PPARD: variants seen among roughly 807,000 people sequenced by gnomAD.
PPARD encodes the protein peroxisome proliferator-activated receptor delta.
In PPARD, 6 loss-of-function variants were observed where a neutral mutation model predicts 39.5. The observed-to-expected ratio is 0.15, with a 90% CI of 0.08 to 0.30. PPARD has a LOEUF of 0.30. PPARD is among the 10% of genes least tolerant of loss of function. PPARD has a pLI of 1.00. For synonymous variants in PPARD, 210 were observed against 231.3 expected (o/e 0.91, Z 0.83); for missense variants, 397 against 596.8 (o/e 0.67, Z 3.49).
intron 2 of PPARD, among the ~76,000 whole-genome samples, chr6:35,375,261 A>G (rs549338165): frequency 8.8e-6 from 1 of 113,104 alleles, no homozygotes; most frequent in East Asian, 2.8e-4. Flanking sequence ...TCTGTCACCC[A>G]GGCTGGAGTG....
chr6:35,349,487 A>T (rs1292862662), intron 2 of PPARD, among the ~76,000 whole-genome samples: 2 of 152,168 alleles, frequency 1.3e-5, no homozygotes, highest in Non-Finnish European at 2.9e-5. Context: ...TAAAAATGGC[A>T]AAAGAATCTC....
Position 35,371,615 on chromosome 6 carries a change from G to A in PPARD, c.-102+24465G>A, listed in dbSNP as rs139713301. Among the ~76,000 whole-genome samples, 612 of 152,202 alleles carry A rather than the reference G, an allele frequency of 4.0e-3. 2 individuals carry two copies. Among genetic ancestry groups the A allele is most frequent in the Middle Eastern group, 0.014 (4 of 294 alleles). ...CTCATTCCTCTGCCATGCACAGGTC[G>A]TTCCTCCCGTTCTTTTGAGTGTTTC... On this transcript the variant is annotated intron_variant, in intron 2 of 7. Transcript: ENST00000360694.
intron 2 of PPARD, among the ~76,000 whole-genome samples, chr6:35,371,764 A>G (rs1762494767): frequency 1.3e-5 from 2 of 152,230 alleles, no homozygotes; most frequent in Non-Finnish European, 2.9e-5. Context: ...CATTGCAGAG[A>G]TTCTTTCCTA....
In PPARD at chr6:35,420,200, C is replaced by T. The variant is rs1326918461; in HGVS notation, c.204C>T (p.Gly68=). ...TGGGCTGTGACGGGGCCTCATGCGGCAGCCTCAACATGGAGTGCCGGGTGT... is the reference window on the plus strand; with the variant it reads ...TGGGCTGTGACGGGGCCTCATGCGGTAGCCTCAACATGGAGTGCCGGGTGT... ...LQMGCDGASC[G]SLNMECRVCG... The change falls in exon 4 of 8, where the codon GGC becomes GGT. Residue 68 remains glycine (G), a synonymous_variant. Transcript: ENST00000360694. 3 of 1,612,726 alleles carry T rather than the reference C, an allele frequency of 1.9e-6. No homozygotes were observed. Among genetic ancestry groups the T allele is most frequent in the South Asian group, 1.1e-5 (1 of 90,928 alleles).
Position 35,363,234 on chromosome 6 carries a change from T to C in PPARD, c.-102+16084T>C, listed in dbSNP as rs899597132. On this transcript the variant is annotated intron_variant, in intron 2 of 7. Coordinates refer to ENST00000360694, the MANE Select transcript of PPARD (RefSeq NM_006238.5). This position sits in a 1 kb window ranked among gnomAD's most constrained non-coding sequence, Gnocchi z 4.5. ...CTGAGGGTCAGTGGCTTCTCAGGTCTTTTCTGGGCCACTTTGGCCTGCACA... is the reference window on the plus strand; with the variant it reads ...CTGAGGGTCAGTGGCTTCTCAGGTCCTTTCTGGGCCACTTTGGCCTGCACA... 1.3e-5 allele frequency among the ~76,000 whole-genome samples: 2 copies of C among 152,162 alleles called. No individual in the cohort carries two copies. Among genetic ancestry groups the C allele is most frequent in the Non-Finnish European group, 2.9e-5 (2 of 68,018 alleles).
chr6:35,415,861 C>G (rs1490916354), intron 3 of PPARD, among the ~76,000 whole-genome samples: 2 of 150,418 alleles, frequency 1.3e-5, no homozygotes, highest in South Asian at 2.1e-4. Context: ...AGTGGCAAGT[C>G]CAAATTTTGA....
At chr6:35,347,177 T>C in intron 2 of PPARD, 27 bp downstream of exon 2, 1 of 1,535,346 alleles carries the variant, frequency 6.5e-7, no homozygotes, top group African/African-American at 1.4e-5. Context: ...TACTCAGGGG[T>C]CTCTGACCAC....
At chr6:35,413,829 G>A (rs1044773986) in intron 3 of PPARD, among the ~76,000 whole-genome samples, 1 of 151,932 alleles carries the variant, frequency 6.6e-6, no homozygotes, top group African/African-American at 2.4e-5. Flanking sequence ...AATTACAGGC[G>A]TGCACCACCG....
rs202017798 is a variant in PPARD at position 35,411,159 on chromosome 6, A to G, written c.72A>G (p.Glu24=). ...EEEKEEVAEA[E]GAPELNGGPQ... is the part of the protein sequence containing the mutation. ...AGAAAGAGGAAGTGGCAGAGGCAGAAGGAGCCCCAGAGCTCAATGGGGGAC... is the reference window on the plus strand; with the variant it reads ...AGAAAGAGGAAGTGGCAGAGGCAGAGGGAGCCCCAGAGCTCAATGGGGGAC... Residue 24 remains glutamate (E), a synonymous_variant, in exon 3 of 8, where the codon GAA becomes GAG. Transcript: ENST00000360694. 1 of 1,578,976 alleles carries G rather than the reference A, an allele frequency of 6.3e-7. No individual in the cohort carries two copies. The highest frequency in any genetic ancestry group is 1.2e-5 in the South Asian group (1 of 86,934).
In PPARD at chr6:35,376,671, A is replaced by G. The variant is rs1314648185; in HGVS notation, c.-102+29521A>G. Among the ~76,000 whole-genome samples, 6 of 152,084 alleles carry G rather than the reference A, an allele frequency of 3.9e-5. No individual in the cohort carries two copies. The East Asian group carries it at 1.2e-3, about 29-fold the overall frequency. On this transcript the variant is annotated intron_variant, in intron 2 of 7. Transcript: ENST00000360694. The stretch of plus-strand genomic sequence containing the variant: ...TAGTGCGGCACCCCTTTACTACCCT[A>G]GTAGTGTAAGTTCAGTTTTATATCC...
intron 3 of PPARD, among the ~76,000 whole-genome samples, chr6:35,411,502 G>GT (rs1160333250): frequency 6.6e-5 from 10 of 152,214 alleles, no homozygotes; most frequent in Non-Finnish European, 2.9e-5. Context: ...GTGGGCATCT[G>GT]TAACACATGT....
At position 35,424,373 on chromosome 6, in the gene PPARD, G is replaced by C; in HGVS notation, c.672G>C (p.Lys224Asn). 1 of 1,613,392 alleles carries C rather than the reference G, an allele frequency of 6.2e-7. No homozygotes were observed. The highest frequency in any genetic ancestry group is 8.5e-7 in the Non-Finnish European group (1 of 1,179,396). ...HDIETLWQAE[K>N]GLVWKQLVNG... Reference sequence around the variant, plus strand: ...TCGAGACATTGTGGCAGGCAGAGAAGGGGCTGGTGTGGAAGCAGTTGGTGA... The same window carrying C: ...TCGAGACATTGTGGCAGGCAGAGAACGGGCTGGTGTGGAAGCAGTTGGTGA... Residue 224 changes from lysine (K) to asparagine (N), a missense_variant, in exon 7 of 8, where the codon AAG becomes AAC. Coordinates refer to ENST00000360694, the MANE Select transcript of PPARD (RefSeq NM_006238.5). This position sits in a 1 kb window ranked among gnomAD's most constrained non-coding sequence, Gnocchi z 7.1.
At chr6:35,346,856 T>A (rs1456115927) in intron 1 of PPARD, among the ~76,000 whole-genome samples, 1 of 152,242 alleles carries the variant, frequency 6.6e-6, no homozygotes, top group East Asian at 1.9e-4. Context: ...GTCTGCTTAC[T>A]TGGGAGTGAG....
In PPARD at chr6:35,401,683, A is replaced by G. The variant is rs558239265; in HGVS notation, c.-101-9304A>G. Reference sequence around the variant, plus strand: ...GTCCTCAGGAAAGCGTCTCCTGGCCACTCGCACCTGACTCATGTGCTCTGA... The same window carrying G: ...GTCCTCAGGAAAGCGTCTCCTGGCCGCTCGCACCTGACTCATGTGCTCTGA... On this transcript the variant is annotated intron_variant, in intron 2 of 7. Transcript: ENST00000360694. This position sits in a 1 kb window ranked among gnomAD's most constrained non-coding sequence, Gnocchi z 4.1. Among the ~76,000 whole-genome samples, 7 of 152,016 alleles carry G rather than the reference A, an allele frequency of 4.6e-5. No homozygotes were observed. In the East Asian group the frequency reaches 1.4e-3, roughly 29 times the overall value.
chr6:35,381,163 T>C (rs1763132224), intron 2 of PPARD, among the ~76,000 whole-genome samples: 1 of 152,104 alleles, frequency 6.6e-6, no homozygotes, highest in South Asian at 2.1e-4. Flanking sequence ...GGCTTTTCAG[T>C]GTCTCCTCCT....
chr6:35,386,315 ATTTTTTTTTT>A (rs751089075), intron 2 of PPARD, among the ~76,000 whole-genome samples: 1 of 120,420 alleles, frequency 8.3e-6, no homozygotes, highest in Non-Finnish European at 1.8e-5. Flanking sequence ...CACCTCTACA[ATTTTTTTTTT>A]TTTTTTTTTT....
rs11334296 is a variant in PPARD, at chr6:35,380,459, G to GTTT, written c.-101-30518_-101-30516dup. ...CATACTCAGAGCCAATTAACCTCGT[G>GTTT]TTTTTTTTTTTTGTTTGTTTTTTTT... is the stretch of plus-strand genomic sequence containing the variant. On this transcript the variant is annotated intron_variant, in intron 2 of 7. Transcript: ENST00000360694. 6.0e-4 allele frequency among the ~76,000 whole-genome samples: 58 copies of GTTT among 97,140 alleles called. 1 individual carries two copies. The highest frequency in any genetic ancestry group is 1.1e-3 in the East Asian group (3 of 2,792). 63.7% of individuals were successfully genotyped at this position (97,140 alleles called of 152,430 possible).
intron 2 of PPARD, among the ~76,000 whole-genome samples, chr6:35,383,025 G>T (rs1763239951): frequency 6.6e-6 from 1 of 152,216 alleles, no homozygotes; most frequent in South Asian, 2.1e-4. Context: ...TAAGGAGTTG[G>T]ATTTTGTGGG....
At chr6:35,400,949 C>T (rs1300940630) in intron 2 of PPARD, among the ~76,000 whole-genome samples, 1 of 152,134 alleles carries the variant, frequency 6.6e-6, no homozygotes, top group Non-Finnish European at 1.5e-5. Flanking sequence ...AGTTGTCAAG[C>T]CTGGGAATGT....
Sources: allele counts gnomAD v4.1 joint callset (sites outside exome capture counted in the v4.1 genomes callset), GRCh38; gene constraint gnomAD v4.1.1; non-coding constraint Gnocchi (gnomAD v3.1); transcripts MANE v1.5; gene names NCBI Gene and HGNC (gene_info 2026-07-23, HGNC 2026-07-21).